Variants in KHDRBS2 observed in about 807,000 individuals in gnomAD.
The protein encoded by KHDRBS2 is KH RNA binding domain containing, signal transduction associated 2.
In KHDRBS2, 26 loss-of-function variants were observed where a neutral mutation model predicts 44.3. That is an observed-to-expected ratio of 0.59 (90% CI 0.43 to 0.81). The LOEUF (loss-of-function observed/expected upper bound fraction) is 0.81. Among genes scored for constraint, KHDRBS2 ranks in the 40% least tolerant of loss-of-function variants. KHDRBS2 has a pLI of 0.00. For synonymous variants in KHDRBS2, 194 were observed against 151.1 expected (o/e 1.28, Z -2.08); for missense variants, 476 against 433.1 (o/e 1.10, Z -0.88).
At chr6:62,105,817 T>A (rs533265396) in intron 2 of KHDRBS2, among the ~76,000 whole-genome samples, 2 of 152,202 alleles carry the variant, frequency 1.3e-5, no homozygotes, top group Admixed American at 1.3e-4. Flanking sequence ...TGCCTTCTGC[T>A]AGCTTTTGAA....
At chr6:61,971,005 TAGA>T (rs1285407822) in intron 4 of KHDRBS2, among the ~76,000 whole-genome samples, 4 of 152,230 alleles carry the variant, frequency 2.6e-5, no homozygotes, top group South Asian at 2.1e-4. Context: ...ACTCTTCTTA[TAGA>T]AGAAGGAGTA....
chr6:62,069,496 G>T (rs2127342921), intron 2 of KHDRBS2, among the ~76,000 whole-genome samples: 1 of 151,658 alleles, frequency 6.6e-6, no homozygotes, highest in Non-Finnish European at 1.5e-5. Flanking sequence ...TTTCTGAGAG[G>T]ACTTACAGGA....
chr6:61,641,088 T>G, the KHDRBS2 span, among the ~76,000 whole-genome samples: 1 of 152,246 alleles, frequency 6.6e-6, no homozygotes, highest in African/African-American at 2.4e-5. Context: ...GTGCTCTGCC[T>G]TCCCAGTTTT....
At chr6:61,627,804 T>C in the KHDRBS2 span, among the ~76,000 whole-genome samples, 1 of 152,318 alleles carries the variant, frequency 6.6e-6, no homozygotes, top group East Asian at 1.9e-4. Context: ...AACAAAACCG[T>C]AATTCTGAAT....
the KHDRBS2 span, among the ~76,000 whole-genome samples, chr6:61,626,390 A>G: frequency 6.6e-6 from 1 of 152,282 alleles, no homozygotes; most frequent in African/African-American, 2.4e-5. Flanking sequence ...TGTGACATTG[A>G]ATTAAAATGA....
chr6:62,139,400 A>C (rs1371115472), intron 2 of KHDRBS2, among the ~76,000 whole-genome samples: 13 of 151,944 alleles, frequency 8.6e-5, no homozygotes, highest in Non-Finnish European at 1.5e-5. Context: ...AAAATACAAA[A>C]AAATTAGCCG....
At chr6:62,088,018 C>A (rs1373912852) in intron 2 of KHDRBS2, among the ~76,000 whole-genome samples, 1 of 152,158 alleles carries the variant, frequency 6.6e-6, no homozygotes, top group Non-Finnish European at 1.5e-5. Context: ...TCACGAAGTT[C>A]TCATGCTGTG....
At chr6:61,643,914 C>T in the KHDRBS2 span, among the ~76,000 whole-genome samples, 10 of 152,144 alleles carry the variant, frequency 6.6e-5, no homozygotes, top group African/African-American at 2.2e-4. Flanking sequence ...CTATTCCTAT[C>T]AAACTACCAA....
intron 2 of KHDRBS2, among the ~76,000 whole-genome samples, chr6:62,073,684 A>G (rs1258801990): frequency 6.6e-6 from 1 of 151,222 alleles, no homozygotes; most frequent in African/African-American, 2.4e-5. Flanking sequence ...TAATATAGGC[A>G]TTTATTGTGA....
At chr6:61,699,778 T>A (rs1001435432) in intron 7 of KHDRBS2, among the ~76,000 whole-genome samples, 1 of 152,068 alleles carries the variant, frequency 6.6e-6, no homozygotes. Flanking sequence ...AGGCAATTTA[T>A]AATGCATAAA....
intron 8 of KHDRBS2, 84 bp downstream of exon 8, chr6:61,697,111 G>C: frequency 1.1e-6 from 1 of 934,212 alleles, no homozygotes. Context: ...AAAAACTAGG[G>C]GGAGAAAGAT....
chr6:61,568,982 G>A, the KHDRBS2 span, among the ~76,000 whole-genome samples: 1 of 30,622 alleles, frequency 3.3e-5, no homozygotes, highest in African/African-American at 1.3e-4. Flanking sequence ...GACAGAGTGG[G>A]CATATGGGGA....
intron 6 of KHDRBS2, among the ~76,000 whole-genome samples, chr6:61,829,688 G>T (rs1177829382): frequency 1.3e-5 from 2 of 152,066 alleles, no homozygotes; most frequent in Admixed American, 6.6e-5. Context: ...AGCAGAAAAT[G>T]GTGTCCATAA....
rs535209158 is a variant in KHDRBS2 at position 62,106,304 on chromosome 6, G to A, written c.220-58310C>T. On this transcript the variant is annotated intron_variant, in intron 2 of 8. Coordinates refer to ENST00000281156, the MANE Select transcript of KHDRBS2 (RefSeq NM_152688.4). ...TAGATGTCTATTAGGTCTGCTTGGTGCAGAGCTGAGTTCAATTCCAGGGGA... is the reference window on the plus strand; with the variant it reads ...TAGATGTCTATTAGGTCTGCTTGGTACAGAGCTGAGTTCAATTCCAGGGGA... Among the ~76,000 whole-genome samples, 214 of 152,200 alleles carry A rather than the reference G, an allele frequency of 1.4e-3. 1 individual carries two copies. Among genetic ancestry groups the A allele is most frequent in the African/African-American group, 4.9e-3 (204 of 41,516 alleles).
the KHDRBS2 span, among the ~76,000 whole-genome samples, chr6:61,651,024 T>A: frequency 6.6e-6 from 1 of 152,096 alleles, no homozygotes; most frequent in African/African-American, 2.4e-5. Context: ...TTAATGGAAA[T>A]TCAACCATTC....
intron 6 of KHDRBS2, among the ~76,000 whole-genome samples, chr6:61,859,986 A>G (rs1796686396): frequency 6.6e-6 from 1 of 151,988 alleles, no homozygotes; most frequent in Non-Finnish European, 1.5e-5. Flanking sequence ...AGACATAGAG[A>G]AGAGTGTATG....
the KHDRBS2 span, among the ~76,000 whole-genome samples, chr6:61,572,191 C>A: frequency 9.9e-5 from 15 of 152,110 alleles, no homozygotes; most frequent in East Asian, 2.9e-3. Context: ...CTACAAACAC[C>A]TTTATGAGCA....
At chr6:61,739,595 G>T (rs1381739638) in intron 6 of KHDRBS2, among the ~76,000 whole-genome samples, 1 of 151,960 alleles carries the variant, frequency 6.6e-6, no homozygotes, top group East Asian at 1.9e-4. Context: ...AAGGCTATAG[G>T]TATAACTAAC....
At chr6:61,616,964 G>C in the KHDRBS2 span, among the ~76,000 whole-genome samples, 1 of 152,014 alleles carries the variant, frequency 6.6e-6, no homozygotes, top group Non-Finnish European at 1.5e-5. Flanking sequence ...TTATTTTATT[G>C]AGTACTTTTT....
Sources: allele counts gnomAD v4.1 joint callset (sites outside exome capture counted in the v4.1 genomes callset), GRCh38; gene constraint gnomAD v4.1.1; transcripts MANE v1.5; gene names NCBI Gene and HGNC (gene_info 2026-07-23, HGNC 2026-07-21).